The following LRP6 variants were observed in gnomAD, a reference collection of about 807,000 sequenced individuals.
LRP6 encodes LDL receptor related protein 6, also known as low-density lipoprotein receptor-related protein 6.
In LRP6, 43 loss-of-function variants were observed where a neutral mutation model predicts 184.1. The ratio of observed to expected loss-of-function variants is 0.23; its 90% CI spans 0.18 to 0.30. The LOEUF is 0.30. Ranked by LOEUF, LRP6 falls within the 10% of genes least tolerant of loss-of-function variation. LRP6 has a pLI of 1.00. For missense variants in LRP6, 1,571 were observed against 2,005.3 expected, an observed-to-expected ratio of 0.78 and a Z score of 4.14; for synonymous variants, 719 against 684.9, an observed-to-expected ratio of 1.05 and a Z score of -0.78.
At position 12,266,767 on chromosome 12, in the gene LRP6, C is replaced by T; in HGVS notation, c.-32G>A. 1 of 1,594,658 alleles carries T rather than the reference C, an allele frequency of 6.3e-7. No homozygotes were observed. The highest frequency in any genetic ancestry group is 2.3e-5 in the East Asian group (1 of 43,902). On this transcript the variant is annotated 5_prime_UTR_variant, in exon 1 of 23. Transcript: ENST00000261349. ...TTCTCGCGTTCTCTTCTCTCACCGG[C>T]GAGGGGTGGCCAGAAGTGGGGGAGG...
At chr12:12,240,804 CT>C (rs2135911157) in intron 2 of LRP6, among the ~76,000 whole-genome samples, 1 of 152,228 alleles carries the variant, frequency 6.6e-6, no homozygotes, top group African/African-American at 2.4e-5. Context: ...AGCATGGTAA[CT>C]GTGGAATCAG....
intron 7 of LRP6, among the ~76,000 whole-genome samples, chr12:12,178,851 CA>C (rs1163335574): frequency 6.6e-6 from 1 of 152,136 alleles, no homozygotes; most frequent in African/African-American, 2.4e-5. Flanking sequence ...TCCAAGTTTC[CA>C]TTTTGGAAGC....
chr12:12,257,623 T>C (rs1026935502), intron 1 of LRP6, among the ~76,000 whole-genome samples: 15 of 121,882 alleles, frequency 1.2e-4, no homozygotes, highest in African/African-American at 4.6e-4. Flanking sequence ...AAGGGCTTAA[T>C]GAAAAAAAAA....
intron 9 of LRP6, 37 bp downstream of exon 9, chr12:12,164,236 T>C: frequency 5.0e-6 from 8 of 1,589,726 alleles, no homozygotes; most frequent in Non-Finnish European, 6.9e-6. Context: ...TTCTCCCTTT[T>C]AGTCCCTAGC....
intron 15 of LRP6, among the ~76,000 whole-genome samples, chr12:12,145,696 G>A (rs1949997798): frequency 7.1e-6 from 1 of 141,636 alleles, no homozygotes; most frequent in African/African-American, 2.6e-5. Context: ...CAGTGGCGCC[G>A]TCTTGACTCA....
chr12:12,247,239 C>T (rs1865210761), intron 1 of LRP6, among the ~76,000 whole-genome samples: 1 of 152,188 alleles, frequency 6.6e-6, no homozygotes, highest in Admixed American at 6.5e-5. Context: ...ACCCACGAAA[C>T]ACTTAAAATT....
At chr12:12,172,773 G>A (rs117989098) in intron 7 of LRP6, among the ~76,000 whole-genome samples, 4 of 151,984 alleles carry the variant, frequency 2.6e-5, no homozygotes, top group African/African-American at 7.3e-5. Context: ...ATTTATCCAC[G>A]GAAATAACAT....
chr12:12,127,541 A>G (rs1949689522), intron 19 of LRP6, among the ~76,000 whole-genome samples: 1 of 152,182 alleles, frequency 6.6e-6, no homozygotes, highest in Non-Finnish European at 1.5e-5. Context: ...CAAGGAACAT[A>G]AGGTCTTTAA....
At chr12:12,177,019 T>G (rs1477205581) in intron 7 of LRP6, among the ~76,000 whole-genome samples, 1 of 151,966 alleles carries the variant, frequency 6.6e-6, no homozygotes, top group South Asian at 2.1e-4. Context: ...AGCTAATTTT[T>G]GTATTTTTAC....
At chr12:12,155,200 A>G in intron 12 of LRP6, 4 of 606,458 alleles carry the variant, frequency 6.6e-6, no homozygotes, top group Non-Finnish European at 9.2e-6. Flanking sequence ...TGTCTCAAAC[A>G]AACAAACAAA....
At chr12:12,257,344 C>A (rs1300260361) in intron 1 of LRP6, among the ~76,000 whole-genome samples, 1 of 151,874 alleles carries the variant, frequency 6.6e-6, no homozygotes, top group Non-Finnish European at 1.5e-5. Flanking sequence ...TTTGGGAGGC[C>A]GAGGCGGGTG....
chr12:12,266,598 T>TCCCTC (rs1219863679), intron 1 of LRP6, 83 bp downstream of exon 1: 2 of 986,754 alleles, frequency 2.0e-6, no homozygotes, highest in Non-Finnish European at 3.1e-6. Flanking sequence ...CCTTCCTCCG[T>TCCCTC]CCCTCCCCTC....
Position 12,121,470 on chromosome 12 carries a change from T to A in LRP6, c.4548-50A>T, listed in dbSNP as rs781652027. On this transcript the variant is annotated intron_variant, in intron 22 of 22. Coordinates refer to ENST00000261349, the MANE Select transcript of LRP6 (RefSeq NM_002336.3). ...AAGCAGTTAGTTTTACAAAAAAAAA[T>A]GATTTCCCCTCTCAGAATAGAGGTA... The A allele has an allele frequency of 4.6e-6, 7 of 1,517,734 alleles. No individual in the cohort carries two copies. The South Asian group carries it at 5.6e-5, about 12-fold the overall frequency. 94.0% of individuals were successfully genotyped at this position (1,517,734 alleles called of 1,614,324 possible).
chr12:12,216,212 G>A (rs1322861431), intron 2 of LRP6, among the ~76,000 whole-genome samples: 2 of 152,068 alleles, frequency 1.3e-5, no homozygotes, highest in Admixed American at 6.6e-5. Context: ...GGAGAAGACA[G>A]AAAGATTTGG....
Position 12,126,896 on chromosome 12 carries a change from C to T in LRP6, c.4107G>A (p.Gln1369=). The part of the protein sequence containing the change: ...DCYPTEEPAP[Q]ATNTVGSVIG... Reference sequence around the variant, plus strand: ...TAACAGAACCAACTGTATTGGTGGCCTGTGGTGCTGGTTCTTCAGTCGGAT... The same window carrying T: ...TAACAGAACCAACTGTATTGGTGGCTTGTGGTGCTGGTTCTTCAGTCGGAT... The change falls in exon 20 of 23, where the codon CAG becomes CAA. Residue 1369 remains glutamine, a synonymous_variant. Coordinates refer to ENST00000261349, the MANE Select transcript of LRP6 (RefSeq NM_002336.3). The T allele has an allele frequency of 6.2e-7, 1 of 1,614,016 alleles. No homozygotes were observed. Among genetic ancestry groups the T allele is most frequent in the Non-Finnish European group, 8.5e-7 (1 of 1,179,962 alleles).
chr12:12,181,211 A>G lies in LRP6; in HGVS notation c.1205T>C (p.Ile402Thr). The G allele has an allele frequency of 6.2e-7, 1 of 1,614,188 alleles. No homozygotes were observed. ...CACAGCAATACCATCAGGATGGGCA[A>G]TTTGAGCAGTGACCACAAACTGACT... The part of the protein sequence containing the change: ...SGSQFVVTAQ[I>T]AHPDGIAVDW... Residue 402 changes from isoleucine to threonine, a missense_variant, in exon 6 of 23, where the codon ATT becomes ACT. Physicochemically the swap from Ile to Thr is moderately conservative, Grantham distance 89 (BLOSUM62 -1). Around this residue, in one of 4 missense-constraint regions of LRP6, gnomAD observed 640 missense variants for 851.9 expected, o/e 0.75. Coordinates refer to ENST00000261349, the MANE Select transcript of LRP6 (RefSeq NM_002336.3).
chr12:12,186,313 C>T lies in LRP6; in HGVS notation c.844+610G>A, dbSNP rs149217162. 4.6e-3 allele frequency among the ~76,000 whole-genome samples: 706 copies of T among 152,326 alleles called. 5 individuals are homozygous for T. Among genetic ancestry groups the T allele is most frequent in the African/African-American group, 0.016 (672 of 41,572 alleles). The stretch of plus-strand genomic sequence containing the variant: ...CTCTAAAAGCGCTGACTCAAAAAGG[C>T]TGAGGTGGTCTGTAGTGACAGGCTA... On this transcript the variant is annotated intron_variant, in intron 4 of 22. Transcript: ENST00000261349.
At chr12:12,167,858 C>T (rs1862929446) in intron 7 of LRP6, among the ~76,000 whole-genome samples, 1 of 151,928 alleles carries the variant, frequency 6.6e-6, no homozygotes, top group South Asian at 2.1e-4. Flanking sequence ...AATAAAAATA[C>T]ATAAATATAA....
At chr12:12,250,670 T>C (rs1234910241) in intron 1 of LRP6, among the ~76,000 whole-genome samples, 1 of 152,198 alleles carries the variant, frequency 6.6e-6, no homozygotes, top group African/African-American at 2.4e-5. Flanking sequence ...TCACCCAGGC[T>C]GGAGTGCAGT....
Sources: gnomAD v4.1 joint callset for allele counts (sites outside exome capture counted in the v4.1 genomes callset) on GRCh38, gnomAD v4.1.1 for gene constraint, gnomAD v4.1.1 regional missense constraint, MANE v1.5 for transcripts, NCBI Gene and HGNC (gene_info 2026-07-23, HGNC 2026-07-21) for gene names.